The following SPAG16 variants were observed in gnomAD, a reference collection of about 807,000 sequenced individuals.
SPAG16 encodes the protein sperm-associated antigen 16 protein.
Under a neutral mutation model 80.4 loss-of-function variants are expected in SPAG16, and 86 were observed. The observed-to-expected ratio is 1.07, with a 90% confidence interval of 0.90 to 1.28. SPAG16 has a LOEUF of 1.28. Ranked by LOEUF, SPAG16 falls within the 50% of genes most tolerant of loss-of-function variation. The pLI is 0.00. For missense variants in SPAG16, 870 were observed against 765.3 expected, an observed-to-expected ratio of 1.14 and a Z score of -1.61; for synonymous variants, 294 against 265.9, an observed-to-expected ratio of 1.11 and a Z score of -1.03.
At chr2:213,865,396 C>T (rs2075644641) in intron 11 of SPAG16, among the ~76,000 whole-genome samples, 1 of 151,686 alleles carries the variant, frequency 6.6e-6, no homozygotes, top group Non-Finnish European at 1.5e-5. Flanking sequence ...GAACTATAAA[C>T]TTTCATTACA....
chr2:213,366,782 A>G (rs2066317575), intron 8 of SPAG16, among the ~76,000 whole-genome samples: 2 of 152,018 alleles, frequency 1.3e-5, no homozygotes, highest in South Asian at 2.1e-4. Context: ...TTTACATGCA[A>G]TAGAATCTTT....
At chr2:213,790,259 T>G (rs988485953) in intron 10 of SPAG16, among the ~76,000 whole-genome samples, 3 of 151,888 alleles carry the variant, frequency 2.0e-5, no homozygotes, top group Non-Finnish European at 4.4e-5. Context: ...GTTTCCAAAA[T>G]TATCTTTTCA....
chr2:214,057,238 C>G (rs1208282824), intron 13 of SPAG16, among the ~76,000 whole-genome samples: 1 of 148,962 alleles, frequency 6.7e-6, no homozygotes, highest in African/African-American at 2.5e-5. Flanking sequence ...GCTATGGCAG[C>G]TATACCTTAT....
chr2:213,528,895 C>CT lies in SPAG16; in HGVS notation c.1070+38807dup, dbSNP rs549446851. On this transcript the variant is annotated intron_variant, in intron 10 of 15. Coordinates refer to ENST00000331683, the MANE Select transcript of SPAG16 (RefSeq NM_024532.5). Reference sequence around the variant, plus strand: ...GCCTGCAGGCCATGGGTTGGACAAGCTTGATCTAAATGAAAGAAGTATTAA... The same window carrying CT: ...GCCTGCAGGCCATGGGTTGGACAAGCTTTGATCTAAATGAAAGAAGTATTAA... 4.7e-4 allele frequency among the ~76,000 whole-genome samples: 71 copies of CT among 152,240 alleles called. 1 individual carries two copies. The highest frequency in any genetic ancestry group is 4.6e-4 in the Admixed American group (7 of 15,280).
intron 13 of SPAG16, among the ~76,000 whole-genome samples, chr2:214,074,176 C>T (rs1238855752): frequency 2.0e-5 from 3 of 152,110 alleles, no homozygotes; most frequent in Admixed American, 2.0e-4. Flanking sequence ...TCACCAGAAC[C>T]CAACCATGCT....
chr2:213,996,599 C>A (rs2124835858), intron 12 of SPAG16, among the ~76,000 whole-genome samples: 1 of 132,304 alleles, frequency 7.6e-6, no homozygotes, highest in African/African-American at 2.9e-5. Context: ...GATGGAGTCT[C>A]TCCCTGTCAC....
intron 15 of SPAG16, among the ~76,000 whole-genome samples, chr2:214,338,652 G>A (rs191131919): frequency 6.6e-6 from 1 of 151,972 alleles, no homozygotes; most frequent in Non-Finnish European, 1.5e-5. Context: ...TTCTAAATAA[G>A]GATGCTCCAT....
chr2:213,403,222 CTTCTT>C (rs1451790557), intron 9 of SPAG16, among the ~76,000 whole-genome samples: 2 of 152,130 alleles, frequency 1.3e-5, no homozygotes, highest in African/African-American at 4.8e-5. Flanking sequence ...GCATAAATGT[CTTCTT>C]TTGAGAAGTG....
intron 14 of SPAG16, among the ~76,000 whole-genome samples, chr2:214,128,754 A>G (rs1278911705): frequency 6.6e-6 from 1 of 151,836 alleles, no homozygotes; most frequent in Non-Finnish European, 1.5e-5. Flanking sequence ...AAATTCATCA[A>G]GTTTACCTTG....
At chr2:213,371,459 A>G (rs1372909278) in intron 8 of SPAG16, among the ~76,000 whole-genome samples, 1 of 151,164 alleles carries the variant, frequency 6.6e-6, no homozygotes, top group Non-Finnish European at 1.5e-5. Context: ...GTTGTTCTTC[A>G]TAATTCCTGT....
intron 12 of SPAG16, among the ~76,000 whole-genome samples, chr2:214,006,517 A>G (rs941670009): frequency 2.6e-5 from 4 of 152,236 alleles, no homozygotes; most frequent in Non-Finnish European, 5.9e-5. Context: ...GATGAAAGGA[A>G]ATAAAGGAAA....
At chr2:214,275,851 T>TA (rs1243447579) in intron 15 of SPAG16, among the ~76,000 whole-genome samples, 1 of 152,210 alleles carries the variant, frequency 6.6e-6, no homozygotes, top group Non-Finnish European at 1.5e-5. Context: ...ATATCTTTGT[T>TA]AATCTTCTGT....
At chr2:213,542,248 G>C (rs1237296651) in intron 10 of SPAG16, among the ~76,000 whole-genome samples, 1 of 152,022 alleles carries the variant, frequency 6.6e-6, no homozygotes. Context: ...GGTACTTGTG[G>C]TCATTCATCC....
At chr2:213,864,693 A>G (rs2075616190) in intron 11 of SPAG16, among the ~76,000 whole-genome samples, 1 of 151,988 alleles carries the variant, frequency 6.6e-6, no homozygotes, top group South Asian at 2.1e-4. Context: ...AGCTGGATGT[A>G]TTCCTGACTA....
intron 9 of SPAG16, among the ~76,000 whole-genome samples, chr2:213,473,962 TGGC>T: frequency 6.6e-6 from 1 of 152,322 alleles, no homozygotes; most frequent in African/African-American, 2.4e-5. Flanking sequence ...TTATCTTTCC[TGGC>T]AACTGCCTCA....
chr2:213,803,871 A>G (rs2071573987), intron 10 of SPAG16, among the ~76,000 whole-genome samples: 2 of 152,300 alleles, frequency 1.3e-5, no homozygotes, highest in African/African-American at 4.8e-5. Flanking sequence ...TACAAAAATA[A>G]ACAAACAAAT....
rs139335751 is a variant in SPAG16 at position 213,297,396 on chromosome 2, G to T, written c.279+39G>T. 9,493 of 1,258,432 alleles carry T rather than the reference G, an allele frequency of 7.5e-3. 43 individuals carry two copies. The highest frequency in any genetic ancestry group is 0.012 in the Middle Eastern group (61 of 5,250). The allele number at this position is 1,258,432 out of a possible 1,614,324, so 78.0% of individuals were successfully genotyped here. A position where few individuals can be genotyped will look rare whatever the true frequency, so the allele number is the denominator to read the frequency against. On this transcript the variant is annotated intron_variant, in intron 3 of 15. Transcript: ENST00000331683. Reference sequence around the variant, plus strand: ...CACTAGTGTAGTCTATAGTTTAGTGGTAGTGCTTTTTATATGAAGTTTGGA... The same window carrying T: ...CACTAGTGTAGTCTATAGTTTAGTGTTAGTGCTTTTTATATGAAGTTTGGA...
intron 10 of SPAG16, among the ~76,000 whole-genome samples, chr2:213,699,564 C>T (rs1173733964): frequency 5.3e-5 from 8 of 152,126 alleles, no homozygotes; most frequent in Non-Finnish European, 1.2e-4. Flanking sequence ...ACTGCTGCAG[C>T]AGGATGTCTA....
intron 5 of SPAG16, among the ~76,000 whole-genome samples, chr2:213,325,891 A>C (rs2063820721): frequency 6.6e-6 from 1 of 151,994 alleles, no homozygotes; most frequent in South Asian, 2.1e-4. Flanking sequence ...TGCCTGGTAC[A>C]TAGAAGGAGC....
Sources: gnomAD v4.1 joint callset for allele counts (sites outside exome capture counted in the v4.1 genomes callset) on GRCh38, gnomAD v4.1.1 for gene constraint, MANE v1.5 for transcripts, NCBI Gene and HGNC (gene_info 2026-07-23, HGNC 2026-07-21) for gene names.